The following RPIA variants were observed in gnomAD, a reference collection of about 807,000 sequenced individuals.
The protein encoded by RPIA is ribose-5-phosphate isomerase.
Under a neutral mutation model 37.8 loss-of-function variants are expected in RPIA, and 29 were observed. That is an observed-to-expected ratio of 0.77 (90% confidence interval 0.57 to 1.05). The LOEUF is 1.05. Ranked by LOEUF, RPIA falls within the 50% of genes least tolerant of loss-of-function variation. The pLI is 0.00. For missense variants in RPIA, 385 were observed against 413.6 expected (o/e 0.93, Z 0.60); for synonymous variants, 167 against 157.0 (o/e 1.06, Z -0.48).
intron 3 of RPIA, among the ~76,000 whole-genome samples, chr2:88,705,150 T>C (rs1672882350): frequency 6.6e-6 from 1 of 152,158 alleles, no homozygotes; most frequent in African/African-American, 2.4e-5. Flanking sequence ...CCCAAAGTAA[T>C]TTATAAATTC....
chr2:88,698,681 C>T, intron 2 of RPIA, 137 bp downstream of exon 2: 8 of 820,138 alleles, frequency 9.8e-6, no homozygotes, highest in South Asian at 9.4e-5. Flanking sequence ...GAGGGACTAC[C>T]TGAGGTCAGT....
At chr2:88,748,961 T>C (rs1463000169) in intron 8 of RPIA, among the ~76,000 whole-genome samples, 7 of 152,100 alleles carry the variant, frequency 4.6e-5, no homozygotes, top group African/African-American at 1.7e-4. Flanking sequence ...CAGCTCCATC[T>C]GGAGCTCCAT....
At chr2:88,723,992 A>G (rs568051891) in intron 3 of RPIA, among the ~76,000 whole-genome samples, 1 of 152,250 alleles carries the variant, frequency 6.6e-6, no homozygotes, top group South Asian at 2.1e-4. Context: ...AGCCTTTCCA[A>G]AGGAGGCAAT....
Position 88,691,698 on chromosome 2 carries a change from G to C in RPIA, c.-1G>C. On this transcript the variant is annotated 5_prime_UTR_variant, in exon 1 of 9. Coordinates refer to ENST00000283646, the MANE Select transcript of RPIA (RefSeq NM_144563.3). ...AGCGGAGGCCGGAGCGAGGCGTCGG[G>C]ATGCAGCGCCCCGGGCCCTTCAGCA... 4 of 1,569,454 alleles carry C rather than the reference G, an allele frequency of 2.5e-6. No homozygotes were observed. The highest frequency in any genetic ancestry group is 1.4e-5 in the African/African-American group (1 of 73,484).
In RPIA at chr2:88,691,809, G is replaced by A. The variant is rs1387674341; in HGVS notation, c.111G>A (p.Pro37=). ...GAGGAGGGAACAGCTGGGACCTCCC[G>A]GGTTCCCACGTGCGGCTGCCGGGGC... The part of the protein sequence containing the change: ...SGGGGNSWDL[P]GSHVRLPGRA... Residue 37 remains proline (P), a synonymous_variant, in exon 1 of 9, where the codon CCG becomes CCA. Transcript: ENST00000283646. 3 of 1,595,740 alleles carry A rather than the reference G, an allele frequency of 1.9e-6. No homozygotes were observed. In the East Asian group the frequency reaches 6.8e-5, roughly 36 times the overall value.
chr2:88,745,863 A>G (rs1381818692), intron 8 of RPIA, among the ~76,000 whole-genome samples: 3 of 152,170 alleles, frequency 2.0e-5, no homozygotes, highest in African/African-American at 4.8e-5. Flanking sequence ...TATTCCCTCA[A>G]GTAAGCTTTC....
In RPIA at chr2:88,750,203, A is replaced by G; in HGVS notation, c.*125A>G. Reference sequence around the variant, plus strand: ...ACAACTTGTGGTGGGGGGTGGGGGGAAGAGTGGGAGGGGGAGTTAAATCCA... The same window carrying G: ...ACAACTTGTGGTGGGGGGTGGGGGGGAGAGTGGGAGGGGGAGTTAAATCCA... On this transcript the variant is annotated 3_prime_UTR_variant, in exon 9 of 9. Coordinates refer to ENST00000283646, the MANE Select transcript of RPIA (RefSeq NM_144563.3). The G allele has an allele frequency of 1.5e-6, 1 of 670,594 alleles. No homozygotes were observed. The highest frequency in any genetic ancestry group is 1.5e-5 in the South Asian group (1 of 65,928). 41.5% of individuals were successfully genotyped at this position (670,594 alleles called of 1,614,324 possible).
At chr2:88,706,703 TA>T (rs1217748694) in intron 3 of RPIA, among the ~76,000 whole-genome samples, 1,975 of 142,560 alleles carry the variant, frequency 0.014, 38 homozygotes, top group African/African-American at 0.042. Context: ...AATTTTAAAT[TA>T]AAAAAAAAAA....
intron 3 of RPIA, among the ~76,000 whole-genome samples, chr2:88,709,583 C>T (rs1672938244): frequency 6.6e-6 from 1 of 152,170 alleles, no homozygotes; most frequent in South Asian, 2.1e-4. Context: ...TGTTGTAATA[C>T]AGGAAATTGA....
chr2:88,718,299 T>A (rs1038571837), intron 3 of RPIA, among the ~76,000 whole-genome samples: 1 of 152,248 alleles, frequency 6.6e-6, no homozygotes, highest in African/African-American at 2.4e-5. Context: ...TGCTTTATCA[T>A]ACTTGGCCTT....
chr2:88,699,166 C>T (rs1334796105), intron 2 of RPIA, among the ~76,000 whole-genome samples: 1 of 152,230 alleles, frequency 6.6e-6, no homozygotes, highest in African/African-American at 2.4e-5. Context: ...AGTCCAGGAA[C>T]ACTTTGTTAT....
At chr2:88,736,727 G>C (rs947581879) in intron 7 of RPIA, 51 bp downstream of exon 7, 2 of 1,584,054 alleles carry the variant, frequency 1.3e-6, no homozygotes, top group Non-Finnish European at 1.7e-6. Context: ...CAGGTTTTCA[G>C]TGTGGTGTCC....
At chr2:88,740,072 C>T (rs1673364313) in intron 8 of RPIA, among the ~76,000 whole-genome samples, 1 of 152,106 alleles carries the variant, frequency 6.6e-6, no homozygotes, top group African/African-American at 2.4e-5. Flanking sequence ...AGAAGATTTG[C>T]AAATCACTGT....
At chr2:88,725,040 G>A (rs1673178863) in intron 3 of RPIA, among the ~76,000 whole-genome samples, 1 of 152,252 alleles carries the variant, frequency 6.6e-6, no homozygotes, top group African/African-American at 2.4e-5. Flanking sequence ...GGTACCAGCT[G>A]TGGGGTTTGC....
intron 4 of RPIA, 149 bp downstream of exon 4, chr2:88,729,486 A>G (rs1673239802): frequency 2.4e-6 from 2 of 830,038 alleles, no homozygotes; most frequent in African/African-American, 1.7e-5. Flanking sequence ...TTGAGTATTA[A>G]TTTTGGCTGA....
intron 8 of RPIA, among the ~76,000 whole-genome samples, chr2:88,746,449 G>A (rs1249097907): frequency 6.6e-6 from 1 of 152,180 alleles, no homozygotes; most frequent in East Asian, 1.9e-4. Flanking sequence ...TGTCCAATGG[G>A]GTGATCCCTT....
intron 3 of RPIA, among the ~76,000 whole-genome samples, chr2:88,722,172 T>A (rs1182840930): frequency 1.3e-5 from 2 of 151,996 alleles, no homozygotes; most frequent in African/African-American, 2.4e-5. Flanking sequence ...CCCTTTTTTT[T>A]TATAGCTTTC....
At chr2:88,724,528 C>T (rs774051884) in intron 3 of RPIA, among the ~76,000 whole-genome samples, 5 of 151,986 alleles carry the variant, frequency 3.3e-5, no homozygotes, top group East Asian at 1.9e-4. Flanking sequence ...AGGCTGGTCT[C>T]GAACTCCCGA....
intron 3 of RPIA, among the ~76,000 whole-genome samples, chr2:88,714,179 G>C (rs1171543169): frequency 1.3e-5 from 2 of 148,746 alleles, no homozygotes; most frequent in East Asian, 3.9e-4. Flanking sequence ...TTGTTTGTTT[G>C]TTTGTTTTTT....
Sources: gnomAD v4.1 joint callset for allele counts (sites outside exome capture counted in the v4.1 genomes callset) on GRCh38, gnomAD v4.1.1 for gene constraint, MANE v1.5 for transcripts, NCBI Gene and HGNC (gene_info 2026-07-23, HGNC 2026-07-21) for gene names.